The following DPP10 variants were observed in gnomAD, a reference collection of about 807,000 sequenced individuals.
DPP10 encodes the protein inactive dipeptidyl peptidase 10.
In DPP10, 33 loss-of-function variants were observed where a neutral mutation model predicts 120.9. The ratio of observed to expected loss-of-function variants is 0.27; its 90% CI spans 0.21 to 0.37. The LOEUF (loss-of-function observed/expected upper bound fraction) is 0.37, where lower values mean the gene tolerates loss of function less well. Ranked by LOEUF, DPP10 falls within the 10% of genes least tolerant of loss-of-function variation. The pLI is 1.00. For missense variants in DPP10, 816 were observed against 942.8 expected, an observed-to-expected ratio of 0.87 and a Z score of 1.76; for synonymous variants, 337 against 326.1, an observed-to-expected ratio of 1.03 and a Z score of -0.36.
chr2:114,601,197 C>T (rs1692338082), intron 1 of DPP10, among the ~76,000 whole-genome samples: 1 of 151,822 alleles, frequency 6.6e-6, no homozygotes, highest in Non-Finnish European at 1.5e-5. Flanking sequence ...AATGGGTGGG[C>T]ACATCCATGG....
At chr2:115,167,706 A>G (rs1253286482) in intron 1 of DPP10, among the ~76,000 whole-genome samples, 1 of 151,890 alleles carries the variant, frequency 6.6e-6, no homozygotes. Flanking sequence ...ACATATTAGT[A>G]TGATTACACA....
intron 1 of DPP10, among the ~76,000 whole-genome samples, chr2:114,916,776 C>T (rs1694838250): frequency 6.6e-6 from 1 of 152,142 alleles, no homozygotes; most frequent in African/African-American, 2.4e-5. Flanking sequence ...CACATCCCTT[C>T]ATGATAAAAA....
At position 115,833,552 on chromosome 2, in the gene DPP10, G is replaced by A. The variant is rs58277103; in HGVS notation, c.1951-2605G>A. ...TTCAACGTACCTAATCTGAAAATCC[G>A]AAATTTGAAATGCTCCAAATCCAAA... On this transcript the variant is annotated intron_variant, in intron 21 of 25. Coordinates refer to ENST00000410059, the MANE Select transcript of DPP10 (RefSeq NM_020868.6). 2.1e-3 allele frequency among the ~76,000 whole-genome samples: 313 copies of A among 152,202 alleles called. 1 individual carries two copies. The highest frequency in any genetic ancestry group is 7.1e-3 in the African/African-American group (296 of 41,526).
At chr2:114,718,258 C>A (rs543268610) in intron 1 of DPP10, among the ~76,000 whole-genome samples, 41 of 151,838 alleles carry the variant, frequency 2.7e-4, no homozygotes, top group Non-Finnish European at 5.4e-4. Flanking sequence ...CCATATGTGG[C>A]TGTATAAATT....
intron 5 of DPP10, among the ~76,000 whole-genome samples, chr2:115,640,450 GA>G (rs5833616): frequency 1 from 145,967 of 146,608 alleles, 72,663 homozygotes; most frequent in South Asian, 1. Flanking sequence ...ATCTGAAAAA[GA>G]AAAAAAAAGA....
At chr2:114,527,899 A>G (rs2104708735) in intron 1 of DPP10, among the ~76,000 whole-genome samples, 2 of 152,326 alleles carry the variant, frequency 1.3e-5, no homozygotes, top group Middle Eastern at 3.4e-3. Context: ...TAGAAAAGAA[A>G]TAGTCAAAAC....
At chr2:115,271,899 A>G (rs978994800) in intron 1 of DPP10, among the ~76,000 whole-genome samples, 1 of 152,200 alleles carries the variant, frequency 6.6e-6, no homozygotes, top group African/African-American at 2.4e-5. Flanking sequence ...CATGAGTTCC[A>G]TTTGTGTTAA....
chr2:114,731,229 T>A (rs1029167634), intron 1 of DPP10, among the ~76,000 whole-genome samples: 5 of 152,092 alleles, frequency 3.3e-5, no homozygotes, highest in African/African-American at 9.7e-5. Flanking sequence ...TTGAGGCTTT[T>A]TTTTTTTTGA....
At chr2:114,880,848 T>C (rs1040029721) in intron 1 of DPP10, among the ~76,000 whole-genome samples, 7 of 152,166 alleles carry the variant, frequency 4.6e-5, no homozygotes, top group Admixed American at 4.6e-4. Context: ...GCGGATGTGG[T>C]GGAATTGTAT....
chr2:115,524,231 C>T (rs921284434), intron 4 of DPP10, among the ~76,000 whole-genome samples: 5 of 152,246 alleles, frequency 3.3e-5, no homozygotes, highest in Admixed American at 2.6e-4. Flanking sequence ...TGCCAGCTGC[C>T]AGTCCCTGGT....
intron 1 of DPP10, among the ~76,000 whole-genome samples, chr2:114,771,940 G>A (rs192373516): frequency 1.6e-4 from 24 of 151,986 alleles, no homozygotes; most frequent in East Asian, 5.8e-4. Flanking sequence ...AGTATGGTAC[G>A]GTCAGTAAGA....
At chr2:115,331,532 C>T (rs972891998) in intron 2 of DPP10, among the ~76,000 whole-genome samples, 1 of 152,088 alleles carries the variant, frequency 6.6e-6, no homozygotes, top group Non-Finnish European at 1.5e-5. Context: ...CAGTTTTTGC[C>T]CATTCAGTAT....
At chr2:114,595,962 A>G (rs1315891779) in intron 1 of DPP10, among the ~76,000 whole-genome samples, 1 of 152,116 alleles carries the variant, frequency 6.6e-6, no homozygotes, top group East Asian at 1.9e-4. Flanking sequence ...GGTTGCTATT[A>G]GCAGGAAATC....
chr2:114,863,488 G>A (rs1195998630), intron 1 of DPP10, among the ~76,000 whole-genome samples: 1 of 152,078 alleles, frequency 6.6e-6, no homozygotes, highest in African/African-American at 2.4e-5. Flanking sequence ...AGGTTTTGGT[G>A]GGTTCCCGTA....
intron 1 of DPP10, among the ~76,000 whole-genome samples, chr2:114,521,711 A>C (rs1197646022): frequency 6.6e-6 from 1 of 152,154 alleles, no homozygotes; most frequent in Non-Finnish European, 1.5e-5. Flanking sequence ...CCATCCAAGC[A>C]GAAAAATCAA....
At chr2:115,810,809 A>T (rs1176759992) in intron 19 of DPP10, among the ~76,000 whole-genome samples, 1 of 152,106 alleles carries the variant, frequency 6.6e-6, no homozygotes, top group Non-Finnish European at 1.5e-5. Flanking sequence ...GATTTCTGAG[A>T]CAGAGATAAA....
intron 1 of DPP10, among the ~76,000 whole-genome samples, chr2:114,541,149 C>G (rs778763300): frequency 1.3e-5 from 2 of 152,144 alleles, no homozygotes; most frequent in African/African-American, 4.8e-5. Context: ...CCGATGGGGG[C>G]GAAGTCACGG....
At chr2:114,726,569 T>C (rs886744824) in intron 1 of DPP10, among the ~76,000 whole-genome samples, 39 of 152,248 alleles carry the variant, frequency 2.6e-4, no homozygotes, top group African/African-American at 9.4e-4. Context: ...ACTGAAATAT[T>C]TGTTTCTGTA....
intron 1 of DPP10, among the ~76,000 whole-genome samples, chr2:114,514,758 CT>C (rs1444005271): frequency 3.4e-5 from 5 of 148,934 alleles, no homozygotes; most frequent in South Asian, 2.1e-4. Flanking sequence ...TGGGAAAGAT[CT>C]TTTTTTTCTG....
Sources: gnomAD v4.1 joint callset for allele counts (sites outside exome capture counted in the v4.1 genomes callset) on GRCh38, gnomAD v4.1.1 for gene constraint, MANE v1.5 for transcripts, NCBI Gene and HGNC (gene_info 2026-07-23, HGNC 2026-07-21) for gene names.